ZNF729: variants seen among roughly 807,000 people sequenced by gnomAD.
ZNF729 encodes the protein zinc finger protein 729.
ZNF729 carries 15 observed loss-of-function variants against 12.2 expected under a neutral mutation model. The ratio of observed to expected loss-of-function variants is 1.23; its 90% CI spans 0.82 to 1.89. The LOEUF (loss-of-function observed/expected upper bound fraction) is 1.89, where lower values mean the gene tolerates loss of function less well. ZNF729 is among the 40% of genes most tolerant of loss of function. The probability of loss-of-function intolerance (pLI) is 0.00; values close to 1 mark genes in which losing one functional copy is unlikely to be tolerated. For synonymous variants in ZNF729, 492 were observed against 476.3 expected, an observed-to-expected ratio of 1.03 and a Z score of -0.43; for missense variants, 1,540 against 1,456.7, an observed-to-expected ratio of 1.06 and a Z score of -0.93.
chr19:22,295,741 CATTCAGT>C (rs1259115348), intron 1 of ZNF729, among the ~76,000 whole-genome samples: 1 of 152,176 alleles, frequency 6.6e-6, no homozygotes, highest in Non-Finnish European at 1.5e-5. Flanking sequence ...AGCTTGTATC[CATTCAGT>C]ATGTTTACTT....
Position 22,316,591 on chromosome 19 carries a change from G to C in ZNF729, c.3174G>C (p.Lys1058Asn). The C allele has an allele frequency of 6.2e-7, 1 of 1,610,136 alleles. No homozygotes were observed. The highest frequency in any genetic ancestry group is 2.2e-5 in the East Asian group (1 of 44,590). Reference sequence around the variant, plus strand: ...GTGAAGAATGTGGTAAAGCTTTTAAGTGGTCCTCAAAACTTACTGAACATA... The same window carrying C: ...GTGAAGAATGTGGTAAAGCTTTTAACTGGTCCTCAAAACTTACTGAACATA... Reference protein sequence around the residue: ...YKCEECGKAFKWSSKLTEHKV... With the variant: ...YKCEECGKAFNWSSKLTEHKV... Residue 1058 changes from lysine to asparagine, a missense_variant, in exon 4 of 4, where the codon AAG becomes AAC. By Grantham distance (94) the Lys-to-Asn change is moderately conservative (BLOSUM62 0). Transcript: ENST00000601693.
In ZNF729 at chr19:22,304,823, G is replaced by A. The variant is rs1421505008; in HGVS notation, c.253+40G>A. On this transcript the variant is annotated intron_variant, in intron 3 of 3. Coordinates refer to ENST00000601693, the MANE Select transcript of ZNF729 (RefSeq NM_001242680.2). ...ATACAACAGACAACACAGATAAGAG[G>A]TCCAGAGGTCAAGGAGAAAGCCAGT... 5.7e-6 allele frequency: 9 copies of A among 1,588,620 alleles called. No homozygotes were observed. The South Asian group carries it at 1.0e-4, about 18-fold the overall frequency.
chr19:22,293,209 G>A (rs938165403), intron 1 of ZNF729, among the ~76,000 whole-genome samples: 3 of 151,602 alleles, frequency 2.0e-5, no homozygotes, highest in Non-Finnish European at 4.4e-5. Context: ...TAATTGAGAC[G>A]AAGTCTCACT....
At position 22,314,826 on chromosome 19, in the gene ZNF729, G is replaced by T; in HGVS notation, c.1409G>T (p.Arg470Met). The T allele has an allele frequency of 6.2e-7, 1 of 1,603,612 alleles. No individual in the cohort carries two copies. Reference protein sequence around the residue: ...YKCEECGKAFRQSSHLTRHKA... With the variant: ...YKCEECGKAFMQSSHLTRHKA... ...TGTGAAGAATGTGGCAAAGCTTTTA[G>T]GCAATCCTCACACCTTACTAGACAT... The change falls in exon 4 of 4, where the codon AGG (arginine) becomes ATG (methionine). Residue 470 changes from arginine (R) to methionine (M), a missense_variant. Coordinates refer to ENST00000601693, the MANE Select transcript of ZNF729 (RefSeq NM_001242680.2).
Position 22,316,383 on chromosome 19 carries a change from A to G in ZNF729, c.2966A>G (p.Glu989Gly), listed in dbSNP as rs1968542152. The G allele has an allele frequency of 2.5e-6, 4 of 1,613,736 alleles. No homozygotes were observed. Among genetic ancestry groups the G allele is most frequent in the Non-Finnish European group, 3.4e-6 (4 of 1,179,738 alleles). The change falls in exon 4 of 4, where the codon GAG becomes GGG. Residue 989 changes from glutamate to glycine, a missense_variant. By Grantham distance (98) the Glu-to-Gly change is moderately conservative (BLOSUM62 -2). Transcript: ENST00000601693. ...AGACATAAAGCAATTCATACTGGGGAGAAACCCTACAAATGCGAAGAATGT... is the reference window on the plus strand; with the variant it reads ...AGACATAAAGCAATTCATACTGGGGGGAAACCCTACAAATGCGAAGAATGT... ...LTRHKAIHTGEKPYKCEECGK... is the reference protein window; with the variant it reads ...LTRHKAIHTGGKPYKCEECGK...
Position 22,316,222 on chromosome 19 carries a change from C to G in ZNF729, c.2805C>G (p.Pro935=), listed in dbSNP as rs745947700. Residue 935 remains proline, a synonymous_variant, in exon 4 of 4, where the codon CCC becomes CCG. Transcript: ENST00000601693. ...KHKIIHTGKK[P]YKCEECGKAF... Reference sequence around the variant, plus strand: ...AGATAATTCATACTGGAAAGAAACCCTACAAATGTGAAGAATGTGGCAAAG... The same window carrying G: ...AGATAATTCATACTGGAAAGAAACCGTACAAATGTGAAGAATGTGGCAAAG... The G allele has an allele frequency of 3.7e-6, 6 of 1,612,982 alleles. No homozygotes were observed. Among genetic ancestry groups the G allele is most frequent in the Non-Finnish European group, 5.1e-6 (6 of 1,179,508 alleles).
intron 3 of ZNF729, 150 bp from the exon 4 acceptor site, chr19:22,313,521 G>A: frequency 1.6e-6 from 1 of 639,556 alleles, no homozygotes; most frequent in South Asian, 4.5e-5. Flanking sequence ...GTATGTTTTT[G>A]TTACATTTAT....
chr19:22,298,456 A>G (rs1376450109), intron 1 of ZNF729, among the ~76,000 whole-genome samples: 4 of 152,198 alleles, frequency 2.6e-5, no homozygotes, highest in African/African-American at 7.2e-5. Context: ...TAAAGTAGAT[A>G]TTAGTCTGAC....
rs1968534190 is a variant in ZNF729 at position 22,316,039 on chromosome 19, T to C, written c.2622T>C (p.His874=). 3 of 1,610,770 alleles carry C rather than the reference T, an allele frequency of 1.9e-6. No individual in the cohort carries two copies. Among genetic ancestry groups the C allele is most frequent in the South Asian group, 1.1e-5 (1 of 91,048 alleles). The stretch of plus-strand genomic sequence containing the variant: ...CCCTTAGAAAACATGAGATAATTCA[T>C]AGTGGAGAGAAACCATACAAATGTG... ...SSSLRKHEII[H]SGEKPYKCEE... Residue 874 remains histidine (H), a synonymous_variant, in exon 4 of 4, where the codon CAT becomes CAC. Transcript: ENST00000601693.
At chr19:22,286,798 C>A (rs569009459) in intron 1 of ZNF729, among the ~76,000 whole-genome samples, 18 of 152,314 alleles carry the variant, frequency 1.2e-4, no homozygotes, top group African/African-American at 3.4e-4. Context: ...CCTCTCTGGG[C>A]CGCTCTGCAC....
intron 1 of ZNF729, among the ~76,000 whole-genome samples, chr19:22,295,038 T>TTGTG (rs71180536): frequency 0.015 from 2,179 of 144,094 alleles, 15 homozygotes; most frequent in African/African-American, 0.019. Context: ...TCCTAGATAT[T>TTGTG]TGTGTGTGTG....
rs1311638915 is a variant in ZNF729 at position 22,314,430 on chromosome 19, A to G, written c.1013A>G (p.His338Arg). The change falls in exon 4 of 4, where the codon CAT becomes CGT. Residue 338 changes from histidine (H) to arginine (R), a missense_variant. His to Arg is a conservative substitution (Grantham distance 29, BLOSUM62 0). Transcript: ENST00000601693. ...AACCATTTCTCAGCCCTTAGAAAAC[A>G]TAAGATAATTCATACTGGAAAGAAA... ...TFNHFSALRK[H>R]KIIHTGKKPY... The G allele has an allele frequency of 1.3e-6, 2 of 1,597,766 alleles. No homozygotes were observed. Among genetic ancestry groups the G allele is most frequent in the Non-Finnish European group, 1.7e-6 (2 of 1,171,214 alleles).
intron 1 of ZNF729, among the ~76,000 whole-genome samples, chr19:22,300,868 A>G (rs1599755029): frequency 6.6e-6 from 1 of 152,126 alleles, no homozygotes; most frequent in Non-Finnish European, 1.5e-5. Context: ...TGCAGGGAAA[A>G]CCTGCTGCTA....
In ZNF729 at chr19:22,315,118, T is replaced by A; in HGVS notation, c.1701T>A (p.Thr567=). The A allele has an allele frequency of 6.2e-7, 1 of 1,611,094 alleles. No homozygotes were observed. The highest frequency in any genetic ancestry group is 8.5e-7 in the Non-Finnish European group (1 of 1,179,622). The part of the protein sequence containing the change: ...SKLTVHKVIH[T]GEKPCKCEEC... ...TTACTGTACATAAGGTAATTCATAC[T>A]GGAGAGAAACCCTGCAAATGTGAAG... The change falls in exon 4 of 4, where the codon ACT becomes ACA. Residue 567 remains threonine, a synonymous_variant. Coordinates refer to ENST00000601693, the MANE Select transcript of ZNF729 (RefSeq NM_001242680.2).
Position 22,314,628 on chromosome 19 carries a change from A to C in ZNF729, c.1211A>C (p.Tyr404Ser). ...GTAGTTCATACTGGAGAGAAACCCT[A>C]CAAATGTGAAGAATGTGGCAAAGCT... ...HKVVHTGEKP[Y>S]KCEECGKAFS... The change falls in exon 4 of 4, where the codon TAC (tyrosine) becomes TCC (serine). Residue 404 changes from tyrosine to serine, a missense_variant. By Grantham distance (144) the Tyr-to-Ser change is moderately radical (BLOSUM62 -2). Coordinates refer to ENST00000601693, the MANE Select transcript of ZNF729 (RefSeq NM_001242680.2). 2 of 1,612,324 alleles carry C rather than the reference A, an allele frequency of 1.2e-6. No homozygotes were observed. The highest frequency in any genetic ancestry group is 1.7e-6 in the Non-Finnish European group (2 of 1,179,888).
chr19:22,316,115 G>A lies in ZNF729; in HGVS notation c.2698G>A (p.Val900Ile), dbSNP rs559698036. ...KWLSKLTVHK[V>I]IHTAEKPCKC... ...GTTGTCAAAACTTACTGTACATAAGGTAATTCATACTGCAGAGAAACCCTG... is the reference window on the plus strand; with the variant it reads ...GTTGTCAAAACTTACTGTACATAAGATAATTCATACTGCAGAGAAACCCTG... Residue 900 changes from valine to isoleucine, a missense_variant, in exon 4 of 4, where the codon GTA becomes ATA. Val to Ile is a conservative substitution (Grantham distance 29). Transcript: ENST00000601693. The A allele has an allele frequency of 1.2e-5, 20 of 1,608,776 alleles. No individual in the cohort carries two copies. In the Admixed American group the frequency reaches 2.8e-4, roughly 23 times the overall value.
At chr19:22,307,731 A>G (rs1968397576) in intron 3 of ZNF729, among the ~76,000 whole-genome samples, 2 of 148,842 alleles carry the variant, frequency 1.3e-5, no homozygotes, top group South Asian at 4.2e-4. Context: ...CAACAAGAGC[A>G]AAACTCCATC....
chr19:22,306,163 G>C lies in ZNF729; in HGVS notation c.253+1380G>C, dbSNP rs936744302. Among the ~76,000 whole-genome samples the C allele has an allele frequency of 3.1e-4, 47 of 152,012 alleles. 1 individual carries two copies. The highest frequency in any genetic ancestry group is 8.4e-4 in the African/African-American group (35 of 41,500). ...TCTTAAAGAAATAAAGTTTTGCACTGGGCACAGTGACTTATGCCTGTAATT... is the reference window on the plus strand; with the variant it reads ...TCTTAAAGAAATAAAGTTTTGCACTCGGCACAGTGACTTATGCCTGTAATT... On this transcript the variant is annotated intron_variant, in intron 3 of 3. Transcript: ENST00000601693.
chr19:22,293,843 T>G (rs1368791770), intron 1 of ZNF729, among the ~76,000 whole-genome samples: 1 of 152,182 alleles, frequency 6.6e-6, no homozygotes, highest in Admixed American at 6.5e-5. Context: ...CTTGTAAACT[T>G]AAGTTTTTTA....
Sources: allele counts gnomAD v4.1 joint callset (sites outside exome capture counted in the v4.1 genomes callset), GRCh38; gene constraint gnomAD v4.1.1; transcripts MANE v1.5; gene names NCBI Gene and HGNC (gene_info 2026-07-23, HGNC 2026-07-21).